TNIK: variants seen among roughly 807,000 people sequenced by gnomAD.
The protein encoded by TNIK is TRAF2 and NCK-interacting protein kinase.
In TNIK, 49 loss-of-function variants were observed where a neutral mutation model predicts 191.3. The ratio of observed to expected loss-of-function variants is 0.26; its 90% confidence interval spans 0.20 to 0.32. The LOEUF (loss-of-function observed/expected upper bound fraction) is 0.32, where lower values mean the gene tolerates loss of function less well. Ranked by LOEUF, TNIK falls within the 10% of genes least tolerant of loss-of-function variation. The pLI, the probability that TNIK is intolerant of heterozygous loss-of-function variation, is 1.00. For synonymous variants in TNIK, 594 were observed against 600.9 expected (o/e 0.99, Z 0.17); for missense variants, 1,155 against 1,702.3 (o/e 0.68, Z 5.66).
chr3:171,457,144 A>G (rs774755578), intron 1 of TNIK, among the ~76,000 whole-genome samples: 8 of 152,230 alleles, frequency 5.3e-5, no homozygotes, highest in Admixed American at 2.6e-4. Flanking sequence ...CTATTTTCTA[A>G]CCAAAGAAGA....
At chr3:171,174,238 A>G (rs1341736910) in intron 9 of TNIK, among the ~76,000 whole-genome samples, 1 of 152,090 alleles carries the variant, frequency 6.6e-6, no homozygotes, top group Non-Finnish European at 1.5e-5. Context: ...CCTGTATGGT[A>G]GAGGTGAGCC....
At position 171,396,842 on chromosome 3, in the gene TNIK, C is replaced by T. The variant is rs1272148340; in HGVS notation, c.58-27157G>A. Among the ~76,000 whole-genome samples the T allele has an allele frequency of 3.9e-5, 6 of 152,208 alleles. No individual in the cohort carries two copies. The South Asian group carries it at 6.2e-4, about 16-fold the overall frequency. The stretch of plus-strand genomic sequence containing the variant: ...TTTTAAGGTATTTTTCATGTTGATT[C>T]AGTCTACTGTGTCTGTGTTGACAAC... On this transcript the variant is annotated intron_variant, in intron 1 of 32. Coordinates refer to ENST00000436636, the MANE Select transcript of TNIK (RefSeq NM_015028.4).
At chr3:171,381,293 T>C (rs1717994588) in intron 1 of TNIK, among the ~76,000 whole-genome samples, 1 of 152,208 alleles carries the variant, frequency 6.6e-6, no homozygotes, top group Admixed American at 6.5e-5. Context: ...TTGGGAACAC[T>C]AGGTTAAAAA....
At chr3:171,377,691 A>G (rs1423998923) in intron 1 of TNIK, among the ~76,000 whole-genome samples, 1 of 152,258 alleles carries the variant, frequency 6.6e-6, no homozygotes, top group African/African-American at 2.4e-5. Flanking sequence ...TGGTAGAGAC[A>G]GCAGCCAAGA....
At chr3:171,197,614 C>T (rs61792400) in intron 4 of TNIK, among the ~76,000 whole-genome samples, 4,857 of 152,168 alleles carry the variant, frequency 0.032, 107 homozygotes, top group South Asian at 0.073. Context: ...GACATTCCTC[C>T]AAAGAAGATA....
intron 1 of TNIK, among the ~76,000 whole-genome samples, chr3:171,406,426 GTTTA>G (rs983236182): frequency 2.0e-5 from 3 of 151,964 alleles, no homozygotes; most frequent in African/African-American, 7.2e-5. Flanking sequence ...GGGGTTTGGG[GTTTA>G]TTTATTTATT....
At chr3:171,352,036 G>A (rs1346568746) in intron 2 of TNIK, among the ~76,000 whole-genome samples, 1 of 152,210 alleles carries the variant, frequency 6.6e-6, no homozygotes, top group Non-Finnish European at 1.5e-5. Flanking sequence ...TCACCTGGGA[G>A]TCTCGTTAAA....
At chr3:171,139,115 G>A (rs1393866645) in intron 14 of TNIK, among the ~76,000 whole-genome samples, 1 of 152,102 alleles carries the variant, frequency 6.6e-6, no homozygotes, top group African/African-American at 2.4e-5. Context: ...ATTCCAGCAT[G>A]TCGCAAATGG....
intron 11 of TNIK, among the ~76,000 whole-genome samples, chr3:171,158,024 C>T (rs1431590018): frequency 6.6e-6 from 1 of 152,190 alleles, no homozygotes; most frequent in East Asian, 1.9e-4. Flanking sequence ...GAGCCCCAGA[C>T]TGGATTATTT....
chr3:171,372,176 A>G (rs1353768757), intron 1 of TNIK, among the ~76,000 whole-genome samples: 1 of 152,154 alleles, frequency 6.6e-6, no homozygotes, highest in Non-Finnish European at 1.5e-5. Context: ...CTCCTTGAAT[A>G]ATCTATTCTT....
chr3:171,167,375 T>C, intron 9 of TNIK, 105 bp from the exon 10 acceptor site: 1 of 1,388,960 alleles, frequency 7.2e-7, no homozygotes, highest in Non-Finnish European at 9.7e-7. Flanking sequence ...AAGGTCCAAT[T>C]GGCTGGCATA....
Position 171,312,361 on chromosome 3 carries a change from T to C in TNIK, c.123+57259A>G, listed in dbSNP as rs144409787. Among the ~76,000 whole-genome samples, 19 of 152,156 alleles carry C rather than the reference T, an allele frequency of 1.2e-4. No homozygotes were observed. In the East Asian group the frequency reaches 3.1e-3, roughly 25 times the overall value. ...GAAAATAGTTCTATGTAACTATATG[T>C]AGTATATTATTTTAAATATTTCCGT... On this transcript the variant is annotated intron_variant, in intron 2 of 32. Coordinates refer to ENST00000436636, the MANE Select transcript of TNIK (RefSeq NM_015028.4).
intron 2 of TNIK, among the ~76,000 whole-genome samples, chr3:171,349,379 CTTGTA>C (rs990008086): frequency 1.1e-4 from 16 of 152,300 alleles, no homozygotes; most frequent in Non-Finnish European, 4.4e-5. Context: ...TACAATAACT[CTTGTA>C]TTGTACAAAG....
chr3:171,164,887 CA>C (rs1734420287), intron 10 of TNIK, among the ~76,000 whole-genome samples: 1 of 152,204 alleles, frequency 6.6e-6, no homozygotes, highest in Non-Finnish European at 1.5e-5. Context: ...GTCTAATTGA[CA>C]TCTTATTAAC....
chr3:171,200,925 A>G (rs1361165444), intron 4 of TNIK, among the ~76,000 whole-genome samples: 1 of 152,172 alleles, frequency 6.6e-6, no homozygotes, highest in African/African-American at 2.4e-5. Context: ...GACAGGAACT[A>G]ATTCCTCCCA....
intron 28 of TNIK, among the ~76,000 whole-genome samples, chr3:171,074,198 A>G (rs1272034091): frequency 6.6e-6 from 1 of 152,156 alleles, no homozygotes; most frequent in African/African-American, 2.4e-5. Context: ...AAAAGAATGA[A>G]ATCGTGCCCT....
chr3:171,367,518 G>A (rs1469952147), intron 2 of TNIK, among the ~76,000 whole-genome samples: 1 of 151,962 alleles, frequency 6.6e-6, no homozygotes, highest in Non-Finnish European at 1.5e-5. Flanking sequence ...CGCCCAGACT[G>A]GAGTGCAGTG....
rs928272715 is a variant in TNIK at position 171,445,592 on chromosome 3, C to T, written c.57+14415G>A. On this transcript the variant is annotated intron_variant, in intron 1 of 32. Transcript: ENST00000436636. ...TACTGAGAATCTACCAACTGCAGAACTCTCTACTACCTACTGAGTAAGCCG... is the reference window on the plus strand; with the variant it reads ...TACTGAGAATCTACCAACTGCAGAATTCTCTACTACCTACTGAGTAAGCCG... Among the ~76,000 whole-genome samples, 34 of 152,276 alleles carry T rather than the reference C, an allele frequency of 2.2e-4. 2 individuals are homozygous for T. Among genetic ancestry groups the T allele is most frequent in the Admixed American group, 1.5e-3 (23 of 15,296 alleles).
intron 1 of TNIK, among the ~76,000 whole-genome samples, chr3:171,387,928 A>T (rs1231761107): frequency 1.3e-5 from 2 of 151,442 alleles, no homozygotes; most frequent in East Asian, 3.9e-4. Context: ...GGACTCCAAC[A>T]GAACTGAAAT....
Sources: gnomAD v4.1 joint callset for allele counts (sites outside exome capture counted in the v4.1 genomes callset) on GRCh38, gnomAD v4.1.1 for gene constraint, MANE v1.5 for transcripts, NCBI Gene and HGNC (gene_info 2026-07-23, HGNC 2026-07-21) for gene names.